SPIDR: variants seen among roughly 807,000 people sequenced by gnomAD.
SPIDR encodes the protein scaffold protein involved in DNA repair.
SPIDR carries 93 observed loss-of-function variants against 104.6 expected under a neutral mutation model. That is an observed-to-expected ratio of 0.89 (90% CI 0.75 to 1.06). The LOEUF (loss-of-function observed/expected upper bound fraction) is 1.06, where lower values mean the gene tolerates loss of function less well. SPIDR is among the 50% of genes least tolerant of loss of function. The pLI is 0.00. For missense variants in SPIDR, 1,154 were observed against 1,111.2 expected (o/e 1.04, Z -0.55); for synonymous variants, 431 against 416.9 (o/e 1.03, Z -0.41).
At chr8:47,295,996 C>A (rs1178024481) in intron 5 of SPIDR, among the ~76,000 whole-genome samples, 1 of 152,084 alleles carries the variant, frequency 6.6e-6, no homozygotes, top group African/African-American at 2.4e-5. Flanking sequence ...GTGAGGTGAT[C>A]CCTCATTGTG....
intron 1 of SPIDR, among the ~76,000 whole-genome samples, chr8:47,261,226 G>A (rs1345993865): frequency 1.3e-5 from 2 of 152,220 alleles, no homozygotes; most frequent in Non-Finnish European, 2.9e-5. Context: ...CGGCGGTACG[G>A]AAAGCGAGGG....
intron 5 of SPIDR, among the ~76,000 whole-genome samples, chr8:47,346,728 A>G (rs1315186573): frequency 6.6e-6 from 1 of 151,770 alleles, no homozygotes; most frequent in Non-Finnish European, 1.5e-5. Context: ...TTTCTTCTAG[A>G]TTTTCTAGTT....
chr8:47,537,748 G>C (rs1210186419), intron 8 of SPIDR, among the ~76,000 whole-genome samples: 1 of 152,156 alleles, frequency 6.6e-6, no homozygotes. Context: ...TGTAATAAAT[G>C]TATCACATTA....
At chr8:47,419,056 C>T (rs568954559) in intron 7 of SPIDR, 14 of 152,282 alleles carry the variant, frequency 9.2e-5, no homozygotes, top group African/African-American at 3.1e-4. Flanking sequence ...CGATGTTCCT[C>T]AGGGATATTG....
At chr8:47,503,856 T>C (rs756927251) in intron 8 of SPIDR, among the ~76,000 whole-genome samples, 6 of 152,126 alleles carry the variant, frequency 3.9e-5, no homozygotes, top group Non-Finnish European at 5.9e-5. Flanking sequence ...TCAGCATTTG[T>C]TTGTCTGTAA....
intron 10 of SPIDR, among the ~76,000 whole-genome samples, chr8:47,657,590 A>G (rs73569216): frequency 0.018 from 2,763 of 152,296 alleles, 86 homozygotes; most frequent in African/African-American, 0.064. Flanking sequence ...CAATGTCAAT[A>G]TCCTAGTTGT....
At position 47,440,624 on chromosome 8, in the gene SPIDR, T is replaced by C. The variant is rs541601313; in HGVS notation, c.1097+82T>C. 1,882 of 1,417,758 alleles carry C rather than the reference T, an allele frequency of 1.3e-3. 8 individuals carry two copies. The highest frequency in any genetic ancestry group is 1.5e-3 in the Admixed American group (67 of 45,828). 87.8% of individuals were successfully genotyped at this position (1,417,758 alleles called of 1,614,324 possible). A position where few individuals can be genotyped will look rare whatever the true frequency, so the allele number is the denominator to read the frequency against. ...AAGACATTTTTATCAGTTACATTTT[T>C]GTCACTTTATCATAGAGCAATGCGA... On this transcript the variant is annotated intron_variant, in intron 8 of 19. Transcript: ENST00000297423.
intron 7 of SPIDR, among the ~76,000 whole-genome samples, chr8:47,434,732 TCAGTATCTCTCCCCTCATACTAA>T (rs2067972680): frequency 6.6e-6 from 1 of 152,194 alleles, no homozygotes; most frequent in African/African-American, 2.4e-5. Flanking sequence ...GAGAATAGTT[TCAGTATCTCTCCCCTCATACTAA>T]CTTGCTTCAC....
At chr8:47,513,590 G>A (rs974015610) in intron 8 of SPIDR, among the ~76,000 whole-genome samples, 1 of 152,182 alleles carries the variant, frequency 6.6e-6, no homozygotes, top group Non-Finnish European at 1.5e-5. Context: ...GCTTCCTCTT[G>A]TAGGTCATGT....
chr8:47,722,467 C>A (rs535460363), intron 16 of SPIDR, among the ~76,000 whole-genome samples: 19 of 152,354 alleles, frequency 1.2e-4, no homozygotes, highest in African/African-American at 4.3e-4. Flanking sequence ...TGTATTTTCT[C>A]ACCATTGATT....
intron 8 of SPIDR, among the ~76,000 whole-genome samples, chr8:47,569,804 A>G (rs1358847734): frequency 4.6e-5 from 7 of 152,220 alleles, no homozygotes. Flanking sequence ...TGCAGGGTAC[A>G]AGGTCAGTAT....
intron 7 of SPIDR, among the ~76,000 whole-genome samples, chr8:47,414,887 C>T (rs566129860): frequency 4.8e-4 from 73 of 152,016 alleles, no homozygotes; most frequent in African/African-American, 1.7e-3. Flanking sequence ...TTATTCTGCC[C>T]GTTTTTGTTT....
chr8:47,287,607 G>T (rs1030924712), intron 3 of SPIDR, among the ~76,000 whole-genome samples: 194 of 152,216 alleles, frequency 1.3e-3, no homozygotes, highest in African/African-American at 4.4e-3. Flanking sequence ...GCTGGGAAAA[G>T]AATTTAGCAA....
chr8:47,534,727 AT>A (rs773409537), intron 8 of SPIDR, among the ~76,000 whole-genome samples: 31 of 152,266 alleles, frequency 2.0e-4, no homozygotes, highest in Non-Finnish European at 4.1e-4. Context: ...AAAAACCCCC[AT>A]GACCCATGTT....
At chr8:47,420,278 G>T (rs2065189143) in intron 7 of SPIDR, among the ~76,000 whole-genome samples, 1 of 152,130 alleles carries the variant, frequency 6.6e-6, no homozygotes, top group Non-Finnish European at 1.5e-5. Flanking sequence ...CTAAGGACTT[G>T]CTTTATGAGT....
chr8:47,543,356 TGATA>T (rs1227679061), intron 8 of SPIDR, among the ~76,000 whole-genome samples: 5 of 152,220 alleles, frequency 3.3e-5, no homozygotes, highest in Non-Finnish European at 4.4e-5. Flanking sequence ...ATTTTTATTC[TGATA>T]GATAGATAGT....
intron 5 of SPIDR, among the ~76,000 whole-genome samples, chr8:47,391,084 C>G (rs1383535135): frequency 6.6e-6 from 1 of 152,128 alleles, no homozygotes; most frequent in Non-Finnish European, 1.5e-5. Flanking sequence ...CAGCTGGTGT[C>G]CGGTGAGCCA....
chr8:47,517,360 C>T (rs765506620), intron 8 of SPIDR, among the ~76,000 whole-genome samples: 1 of 152,114 alleles, frequency 6.6e-6, no homozygotes, highest in Non-Finnish European at 1.5e-5. Context: ...TAAAAGTCTG[C>T]TACTAAGATA....
chr8:47,355,236 G>T (rs922209389), intron 5 of SPIDR, among the ~76,000 whole-genome samples: 1 of 146,330 alleles, frequency 6.8e-6, no homozygotes, highest in Non-Finnish European at 1.5e-5. Context: ...GATTACAGGC[G>T]TGAGCCACCA....
Sources: gnomAD v4.1 joint callset for allele counts (sites outside exome capture counted in the v4.1 genomes callset) on GRCh38, gnomAD v4.1.1 for gene constraint, MANE v1.5 for transcripts, NCBI Gene and HGNC (gene_info 2026-07-23, HGNC 2026-07-21) for gene names.